The following SCAI variants were observed in gnomAD, a reference collection of about 807,000 sequenced individuals.
SCAI encodes the protein suppressor of cancer cell invasion.
A neutral mutation model predicts 92.2 loss-of-function variants in SCAI; 24 were observed. The ratio of observed to expected loss-of-function variants is 0.26; its 90% CI spans 0.19 to 0.37. The LOEUF is 0.37. SCAI is among the 10% of genes least tolerant of loss of function. The probability of loss-of-function intolerance (pLI) is 1.00; values close to 1 mark genes in which losing one functional copy is unlikely to be tolerated. For synonymous variants in SCAI, 261 were observed against 258.6 expected, an observed-to-expected ratio of 1.01 and a Z score of -0.09; for missense variants, 450 against 736.2, an observed-to-expected ratio of 0.61 and a Z score of 4.50.
At chr9:124,992,767 AAAC>A (rs138886393) in intron 14 of SCAI, among the ~76,000 whole-genome samples, 2,540 of 152,280 alleles carry the variant, frequency 0.017, 70 homozygotes, top group African/African-American at 0.059. Context: ...CATCAAAAGC[AAAC>A]AACAACAACA....
intron 17 of SCAI, among the ~76,000 whole-genome samples, chr9:124,963,399 G>C (rs1831479659): frequency 1.3e-5 from 2 of 152,034 alleles, no homozygotes; most frequent in Admixed American, 6.5e-5. Flanking sequence ...CTCCCAAAGT[G>C]CTGGGATTAC....
chr9:125,129,397 C>T (rs892382425), intron 2 of SCAI, among the ~76,000 whole-genome samples: 65 of 148,344 alleles, frequency 4.4e-4, no homozygotes, highest in African/African-American at 3.7e-4. Flanking sequence ...GCCGAGATCA[C>T]GCAGACTCCA....
chr9:124,965,535 TGTAA>T (rs1256463350), intron 17 of SCAI, among the ~76,000 whole-genome samples: 2 of 152,324 alleles, frequency 1.3e-5, no homozygotes, highest in East Asian at 3.9e-4. Flanking sequence ...GTGCCCGGCC[TGTAA>T]GTATGTCTTA....
chr9:124,987,324 C>CTT (rs71374213), intron 14 of SCAI, among the ~76,000 whole-genome samples: 28 of 151,678 alleles, frequency 1.8e-4, no homozygotes, highest in South Asian at 1.2e-3. Context: ...ACCTGGATGG[C>CTT]TTTTTTTTAT....
intron 2 of SCAI, among the ~76,000 whole-genome samples, chr9:125,137,897 T>A (rs889750259): frequency 6.6e-6 from 1 of 152,126 alleles, no homozygotes; most frequent in Admixed American, 6.5e-5. Context: ...CCACCACGCT[T>A]GGCCAAGAAG....
At chr9:125,108,248 C>T (rs1218884908) in intron 2 of SCAI, among the ~76,000 whole-genome samples, 16 of 151,802 alleles carry the variant, frequency 1.1e-4, no homozygotes, top group South Asian at 2.1e-4. Context: ...TCTGCCCAGC[C>T]GCCACCCCGT....
intron 9 of SCAI, 136 bp from the exon 10 acceptor site, chr9:125,003,706 A>C: frequency 1.6e-6 from 1 of 610,540 alleles, no homozygotes; most frequent in South Asian, 2.0e-5. Flanking sequence ...ATATTTCGTT[A>C]CAGAAATTTT....
In SCAI at chr9:124,951,550, G is replaced by A. The variant is rs1236376056; in HGVS notation, c.*1257C>T. 6.6e-6 allele frequency: 1 copy of A among 152,050 alleles called. No individual in the cohort carries two copies. Among genetic ancestry groups the A allele is most frequent in the African/African-American group, 2.4e-5 (1 of 41,400 alleles). The allele number at this position is 152,050 out of a possible 1,614,324, so 9.4% of individuals were successfully genotyped here. Reference sequence around the variant, plus strand: ...AGAGTATAATTTACCTAGGGCCATGGGAAAGAGATATCAAAAGCAATCAGC... The same window carrying A: ...AGAGTATAATTTACCTAGGGCCATGAGAAAGAGATATCAAAAGCAATCAGC... On this transcript the variant is annotated 3_prime_UTR_variant, in exon 18 of 18. Transcript: ENST00000336505.
In SCAI at chr9:124,948,159, G is replaced by T. The variant is rs1287721071; in HGVS notation, c.*4648C>A. ...AATCAGTATAATTACGACATAATCT[G>T]TTTCAGGGAATTCTATTGCACAAAG... On this transcript the variant is annotated 3_prime_UTR_variant, in exon 18 of 18. Coordinates refer to ENST00000336505, the MANE Select transcript of SCAI (RefSeq NM_001144877.3). 1 of 152,142 alleles carries T rather than the reference G, an allele frequency of 6.6e-6. No individual in the cohort carries two copies. Among genetic ancestry groups the T allele is most frequent in the African/African-American group, 2.4e-5 (1 of 41,406 alleles). The allele number at this position is 152,142 out of a possible 1,614,324, so 9.4% of individuals were successfully genotyped here. A position where few individuals can be genotyped will look rare whatever the true frequency, so the allele number is the denominator to read the frequency against.
chr9:124,981,646 A>G (rs1831888696), intron 14 of SCAI, among the ~76,000 whole-genome samples: 1 of 151,992 alleles, frequency 6.6e-6, no homozygotes, highest in South Asian at 2.1e-4. Context: ...CATAGTTTAT[A>G]GTATTAAATT....
intron 15 of SCAI, among the ~76,000 whole-genome samples, chr9:124,973,737 A>C (rs1020587070): frequency 2.0e-5 from 3 of 152,162 alleles, no homozygotes; most frequent in Non-Finnish European, 2.9e-5. Flanking sequence ...TGAGGCAAGG[A>C]GAATCGCTTG....
chr9:125,072,400 T>A (rs1172363351), intron 2 of SCAI, among the ~76,000 whole-genome samples: 1 of 152,094 alleles, frequency 6.6e-6, no homozygotes, highest in Non-Finnish European at 1.5e-5. Context: ...ATCATTCCAA[T>A]ATACAAAAAT....
At chr9:125,117,885 G>A (rs2131243922) in intron 2 of SCAI, among the ~76,000 whole-genome samples, 1 of 152,196 alleles carries the variant, frequency 6.6e-6, no homozygotes, top group Admixed American at 6.5e-5. Context: ...TGTCTTGACT[G>A]TGCCACTTCC....
At chr9:124,978,309 C>T (rs1211378098) in intron 14 of SCAI, among the ~76,000 whole-genome samples, 2 of 152,150 alleles carry the variant, frequency 1.3e-5, no homozygotes, top group Non-Finnish European at 2.9e-5. Flanking sequence ...GGCGTGGTAG[C>T]GCATGCCTGT....
At chr9:125,070,071 A>G (rs1271328234) in intron 2 of SCAI, among the ~76,000 whole-genome samples, 1 of 152,264 alleles carries the variant, frequency 6.6e-6, no homozygotes, top group African/African-American at 2.4e-5. Flanking sequence ...GAACTAACAG[A>G]TATGAAACTG....
At chr9:125,138,648 T>C (rs1308892885) in intron 2 of SCAI, among the ~76,000 whole-genome samples, 1 of 152,102 alleles carries the variant, frequency 6.6e-6, no homozygotes, top group Non-Finnish European at 1.5e-5. Flanking sequence ...TCTCCTGACC[T>C]TGTGATCCGC....
intron 14 of SCAI, among the ~76,000 whole-genome samples, chr9:124,994,326 C>A (rs1441452852): frequency 1.3e-5 from 2 of 152,202 alleles, no homozygotes; most frequent in Non-Finnish European, 2.9e-5. Context: ...TGAGCCACTG[C>A]ACCCAGCTGA....
chr9:125,051,409 G>A (rs1005147381), intron 3 of SCAI, among the ~76,000 whole-genome samples: 1 of 152,096 alleles, frequency 6.6e-6, no homozygotes, highest in Admixed American at 6.5e-5. Context: ...ACTCTTCCAG[G>A]TGACAGATCA....
At chr9:124,987,171 G>T (rs981621460) in intron 14 of SCAI, among the ~76,000 whole-genome samples, 1 of 152,042 alleles carries the variant, frequency 6.6e-6, no homozygotes, top group Non-Finnish European at 1.5e-5. Flanking sequence ...TTACAGGCAT[G>T]TGCCACCATG....
Sources: allele counts gnomAD v4.1 joint callset (sites outside exome capture counted in the v4.1 genomes callset), GRCh38; gene constraint gnomAD v4.1.1; transcripts MANE v1.5; gene names NCBI Gene and HGNC (gene_info 2026-07-23, HGNC 2026-07-21).